The following WDR26 variants were observed in gnomAD, a reference collection of about 807,000 sequenced individuals.
WDR26 encodes the protein WD repeat domain 26.
A neutral mutation model predicts 84.1 loss-of-function variants in WDR26; 5 were observed. That is an observed-to-expected ratio of 0.06 (90% CI 0.03 to 0.13). The LOEUF (loss-of-function observed/expected upper bound fraction) is 0.13. Among genes scored for constraint, WDR26 ranks in the 10% least tolerant of loss-of-function variants. The pLI, the probability that WDR26 is intolerant of heterozygous loss-of-function variation, is 1.00. For missense variants in WDR26, 642 were observed against 974.9 expected, an observed-to-expected ratio of 0.66 and a Z score of 4.55; for synonymous variants, 415 against 389.6, an observed-to-expected ratio of 1.07 and a Z score of -0.77.
chr1:224,421,490 T>C (rs901048151), intron 4 of WDR26, among the ~76,000 whole-genome samples: 3 of 152,130 alleles, frequency 2.0e-5, no homozygotes, highest in Non-Finnish European at 4.4e-5. Flanking sequence ...CTTGGGAGGC[T>C]GAGGCAGGAG....
At chr1:224,409,113 T>C (rs902582873) in intron 7 of WDR26, among the ~76,000 whole-genome samples, 2 of 152,122 alleles carry the variant, frequency 1.3e-5, no homozygotes, top group Non-Finnish European at 2.9e-5. Flanking sequence ...TAGGTAGTAT[T>C]AGGTGACTCC....
chr1:224,395,271 C>T (rs994942026), intron 12 of WDR26, among the ~76,000 whole-genome samples: 1 of 152,188 alleles, frequency 6.6e-6, no homozygotes, highest in Admixed American at 6.5e-5. Context: ...ACTACTGTGA[C>T]GAGATTAAGT....
intron 7 of WDR26, among the ~76,000 whole-genome samples, chr1:224,407,057 GGTTACA>G (rs571073446): frequency 4.9e-4 from 68 of 139,890 alleles, no homozygotes; most frequent in Admixed American, 1.1e-3. Flanking sequence ...GGGAGGTGAA[GGTTACA>G]GTGAGCCAAG....
At chr1:224,400,290 GTTT>G (rs5781365) in intron 9 of WDR26, among the ~76,000 whole-genome samples, 1 of 146,620 alleles carries the variant, frequency 6.8e-6, no homozygotes, top group Non-Finnish European at 1.5e-5. Flanking sequence ...AAAATTCAGT[GTTT>G]TTTTTTTTTG....
At position 224,388,182 on chromosome 1, in the gene WDR26, G is replaced by T. The variant is rs1386149379; in HGVS notation, c.*1653C>A. On this transcript the variant is annotated 3_prime_UTR_variant, in exon 14 of 14. Transcript: ENST00000414423. The stretch of plus-strand genomic sequence containing the variant: ...CCCGACCACCTACCCCACAATGGAA[G>T]AATTTTTGACATCCAAGCCCTCTTC... 5 of 152,192 alleles carry T rather than the reference G, an allele frequency of 3.3e-5. No homozygotes were observed. Among genetic ancestry groups the T allele is most frequent in the Non-Finnish European group, 1.5e-5 (1 of 68,008 alleles). 9.4% of individuals were successfully genotyped at this position (152,192 alleles called of 1,614,324 possible). A position where few individuals can be genotyped will look rare whatever the true frequency, so the allele number is the denominator to read the frequency against.
chr1:224,410,363 G>C (rs1464850156), intron 7 of WDR26, among the ~76,000 whole-genome samples: 1 of 150,966 alleles, frequency 6.6e-6, no homozygotes, highest in East Asian at 1.9e-4. Flanking sequence ...ACCAAATATA[G>C]TTCCTTAACC....
chr1:224,431,889 A>G (rs533811539), intron 1 of WDR26, 108 bp from the exon 2 acceptor site: 3 of 823,992 alleles, frequency 3.6e-6, no homozygotes, highest in East Asian at 5.9e-5. Context: ...AGCTAGCCTC[A>G]TGATGAAGAA....
At chr1:224,417,274 T>G (rs1572196904) in intron 6 of WDR26, among the ~76,000 whole-genome samples, 2 of 152,358 alleles carry the variant, frequency 1.3e-5, no homozygotes, top group East Asian at 3.9e-4. Flanking sequence ...TTCTTTGATA[T>G]CACTGGTAAA....
At chr1:224,401,138 A>C in intron 8 of WDR26, 69 bp from the exon 9 acceptor site, 1 of 1,465,070 alleles carries the variant, frequency 6.8e-7, no homozygotes, top group Non-Finnish European at 9.2e-7. Context: ...TGAGAAAAAA[A>C]AAATAACTGG....
In WDR26 at chr1:224,427,103, C is replaced by CAAA. The variant is rs769063024; in HGVS notation, c.928-2450_928-2449insTTT. Among the ~76,000 whole-genome samples, 53 of 91,162 alleles carry CAAA rather than the reference C, an allele frequency of 5.8e-4. 4 individuals are homozygous for CAAA. Among genetic ancestry groups the CAAA allele is most frequent in the Middle Eastern group, 6.7e-3 (1 of 150 alleles). The allele number at this position is 91,162 out of a possible 152,430, so 59.8% of individuals were successfully genotyped here. On this transcript the variant is annotated intron_variant, in intron 3 of 13. Transcript: ENST00000414423. ...GGGCAACGAGAGCAAAACTCTGTCT[C>CAAA]CAAAAAAAAAAAAAAAAAAAAAAAG...
At chr1:224,393,311 GGCA>G (rs1275759060) in intron 13 of WDR26, among the ~76,000 whole-genome samples, 2 of 152,108 alleles carry the variant, frequency 1.3e-5, no homozygotes, top group East Asian at 3.9e-4. Flanking sequence ...CATGCTGCTT[GGCA>G]CACAGGTACA....
At chr1:224,401,098 C>A (rs1284000942) in intron 8 of WDR26, 29 bp from the exon 9 acceptor site, 1 of 1,595,874 alleles carries the variant, frequency 6.3e-7, no homozygotes, top group Admixed American at 1.8e-5. Flanking sequence ...GTAAATGAGA[C>A]CTTCAAGATA....
rs866512812 is a variant in WDR26 at position 224,433,822 on chromosome 1, G to A, written c.584C>T (p.Ala195Val). ...AGAGGAGGCGGCGGTGGTGGCGGAG[G>A]CAGCTGCGACGGTGGCTGAGGATGC... is the stretch of plus-strand genomic sequence containing the variant. Residue 195 changes from alanine to valine, a missense_variant, in exon 1 of 14, where the codon GCC becomes GTC. Around this residue, in one of 2 missense-constraint regions of WDR26, gnomAD observed 291 missense variants for 302.1 expected, o/e 0.96. Transcript: ENST00000414423. The A allele has an allele frequency of 3.9e-6, 6 of 1,536,952 alleles. 1 individual carries two copies. The highest frequency in any genetic ancestry group is 3.3e-4 in the Middle Eastern group (2 of 5,986).
chr1:224,417,443 G>A (rs1473180870), intron 6 of WDR26, among the ~76,000 whole-genome samples: 1 of 152,158 alleles, frequency 6.6e-6, no homozygotes, highest in Non-Finnish European at 1.5e-5. Flanking sequence ...GGAGGCTCAC[G>A]CCTGTAATCC....
chr1:224,407,250 T>C (rs1673607489), intron 7 of WDR26, among the ~76,000 whole-genome samples: 2 of 138,478 alleles, frequency 1.4e-5, no homozygotes, highest in African/African-American at 5.3e-5. Context: ...AACAATACTA[T>C]ATCTTCATTA....
At position 224,431,735 on chromosome 1, in the gene WDR26, G is replaced by T. The variant is rs1271635337; in HGVS notation, c.769C>A (p.His257Asn). 2 of 1,613,798 alleles carry T rather than the reference G, an allele frequency of 1.2e-6. No homozygotes were observed. The highest frequency in any genetic ancestry group is 2.7e-5 in the African/African-American group (2 of 74,918). ...TTTCGGAATTTGGTAGCAGAAGGAT[G>T]TTCTAAACGACATCCTGACTCTTGC... Residue 257 changes from histidine (H) to asparagine (N), a missense_variant, in exon 2 of 14, where the codon CAT (histidine) becomes AAT (asparagine). Transcript: ENST00000414423.
At chr1:224,396,436 T>G (rs1673262577) in intron 12 of WDR26, among the ~76,000 whole-genome samples, 1 of 152,172 alleles carries the variant, frequency 6.6e-6, no homozygotes, top group African/African-American at 2.4e-5. Context: ...GCAAGAAGGC[T>G]TAACATATTT....
At chr1:224,416,264 G>C (rs539988719) in intron 6 of WDR26, among the ~76,000 whole-genome samples, 5 of 150,198 alleles carry the variant, frequency 3.3e-5, no homozygotes, top group African/African-American at 1.2e-4. Context: ...GTCTCACTCT[G>C]TCGCCCAGGC....
chr1:224,416,884 CAATTTTATACAA>C (rs1473068584), intron 6 of WDR26, among the ~76,000 whole-genome samples: 1 of 152,100 alleles, frequency 6.6e-6, no homozygotes, highest in African/African-American at 2.4e-5. Flanking sequence ...TATTGCTATT[CAATTTTATACAA>C]AAAGATTTTT....
Sources: allele counts gnomAD v4.1 joint callset (sites outside exome capture counted in the v4.1 genomes callset), GRCh38; gene constraint gnomAD v4.1.1; regional missense constraint gnomAD v4.1.1; transcripts MANE v1.5; gene names NCBI Gene and HGNC (gene_info 2026-07-23, HGNC 2026-07-21).